The following PIP5K1B variants were observed in gnomAD, a reference collection of about 807,000 sequenced individuals.
The protein encoded by PIP5K1B is phosphatidylinositol 4-phosphate 5-kinase type-1 beta.
Under a neutral mutation model 67.0 loss-of-function variants are expected in PIP5K1B, and 42 were observed. The observed-to-expected ratio is 0.63, with a 90% CI of 0.49 to 0.81. The LOEUF is 0.81. PIP5K1B is among the 30% of genes least tolerant of loss of function. The probability of loss-of-function intolerance (pLI) is 0.00; values close to 1 mark genes in which losing one functional copy is unlikely to be tolerated. For missense variants in PIP5K1B, 459 were observed against 646.3 expected (o/e 0.71, Z 3.14); for synonymous variants, 214 against 231.4 (o/e 0.92, Z 0.68).
At chr9:68,759,197 ATCT>A (rs1257979351) in intron 2 of PIP5K1B, among the ~76,000 whole-genome samples, 4 of 152,162 alleles carry the variant, frequency 2.6e-5, no homozygotes, top group Admixed American at 6.5e-5. Context: ...CACTAGACTA[ATCT>A]TCTCCTCTTT....
At chr9:68,726,259 C>A (rs1323204148) in intron 1 of PIP5K1B, among the ~76,000 whole-genome samples, 2 of 152,072 alleles carry the variant, frequency 1.3e-5, no homozygotes, top group Non-Finnish European at 2.9e-5. Flanking sequence ...TATACACCTT[C>A]TATGTACCAA....
intron 1 of PIP5K1B, among the ~76,000 whole-genome samples, chr9:68,725,561 T>A (rs1828110696): frequency 6.6e-6 from 1 of 152,116 alleles, no homozygotes; most frequent in Non-Finnish European, 1.5e-5. Flanking sequence ...GAGGTCCCCA[T>A]AAAGGAGAAT....
chr9:68,873,997 C>T (rs1823755841), intron 5 of PIP5K1B, among the ~76,000 whole-genome samples: 1 of 152,118 alleles, frequency 6.6e-6, no homozygotes, highest in Non-Finnish European at 1.5e-5. Flanking sequence ...GTACTATGAA[C>T]CTAATTTACA....
intron 4 of PIP5K1B, among the ~76,000 whole-genome samples, chr9:68,854,654 A>C (rs1032629149): frequency 2.0e-5 from 3 of 152,230 alleles, no homozygotes; most frequent in African/African-American, 7.2e-5. Flanking sequence ...ACTCCTAAAC[A>C]TGCCTTTGTC....
At chr9:68,999,278 G>T (rs114374945) in intron 15 of PIP5K1B, among the ~76,000 whole-genome samples, 1 of 152,122 alleles carries the variant, frequency 6.6e-6, no homozygotes, top group South Asian at 2.1e-4. Context: ...TAAGGTTACG[G>T]TCTGAGGCTC....
In PIP5K1B at chr9:68,897,776, A is replaced by G. The variant is rs1300607961; in HGVS notation, c.771+3138A>G. 5.3e-5 allele frequency among the ~76,000 whole-genome samples: 8 copies of G among 152,114 alleles called. No individual in the cohort carries two copies. The South Asian group carries it at 1.0e-3, about 20-fold the overall frequency. ...ACGGATTTGTTAAGCCTCTTAACCT[A>G]TGGCTGACCTCCCCCTGCTTCTTGG... On this transcript the variant is annotated intron_variant, in intron 8 of 15. Transcript: ENST00000265382.
chr9:68,781,734 T>C (rs1831296983), intron 2 of PIP5K1B: 1 of 166,436 alleles, frequency 6.0e-6, no homozygotes, highest in Non-Finnish European at 1.5e-5. Flanking sequence ...ATAGAGAAAA[T>C]AAAATTTTTT....
intron 2 of PIP5K1B, among the ~76,000 whole-genome samples, chr9:68,791,308 G>A (rs1587456776): frequency 6.6e-6 from 1 of 152,212 alleles, no homozygotes; most frequent in African/African-American, 2.4e-5. Context: ...ACAAGTAGCT[G>A]TTGAGTATTG....
chr9:68,714,789 G>A (rs576735955), intron 1 of PIP5K1B, among the ~76,000 whole-genome samples: 1 of 152,302 alleles, frequency 6.6e-6, no homozygotes, highest in East Asian at 1.9e-4. Context: ...TAAAGGAACA[G>A]GATGGAAACT....
intron 2 of PIP5K1B, among the ~76,000 whole-genome samples, chr9:68,761,422 T>A (rs1444702664): frequency 6.6e-6 from 1 of 152,158 alleles, no homozygotes; most frequent in Non-Finnish European, 1.5e-5. Context: ...TTCTCTGAGG[T>A]GAAATTTCCT....
intron 2 of PIP5K1B, among the ~76,000 whole-genome samples, chr9:68,750,296 C>T (rs145176149): frequency 8.5e-5 from 13 of 152,322 alleles, no homozygotes; most frequent in Middle Eastern, 3.4e-3. Flanking sequence ...TTCAGCTCCC[C>T]AGGATTTGTA....
chr9:68,834,943 T>C (rs775821919), intron 4 of PIP5K1B, among the ~76,000 whole-genome samples: 1 of 152,216 alleles, frequency 6.6e-6, no homozygotes, highest in Non-Finnish European at 1.5e-5. Flanking sequence ...GCAGTCTTTT[T>C]CCAACACTGT....
intron 12 of PIP5K1B, among the ~76,000 whole-genome samples, chr9:68,927,958 CT>C (rs1157887999): frequency 2.0e-5 from 3 of 151,970 alleles, no homozygotes; most frequent in Admixed American, 6.6e-5. Context: ...TATCTTCATT[CT>C]TTTGCATGTG....
In PIP5K1B at chr9:68,934,886, C is replaced by G; in HGVS notation, c.1202-4C>G. ...CTGTATTTGTCCTTTTCCTTTCTGT[C>G]TAGCTTTGAAGGCTTCACCGTCTAA... On this transcript the variant is annotated splice_region_variant and splice_polypyrimidine_tract_variant and intron_variant, in intron 12 of 15. Transcript: ENST00000265382. 1.2e-6 allele frequency: 2 copies of G among 1,600,544 alleles called. No individual in the cohort carries two copies. The highest frequency in any genetic ancestry group is 8.5e-7 in the Non-Finnish European group (1 of 1,173,364).
chr9:68,964,186 T>A (rs1456179709), intron 14 of PIP5K1B: 1 of 152,224 alleles, frequency 6.6e-6, no homozygotes, highest in Non-Finnish European at 1.5e-5. Context: ...AAGATTTCCT[T>A]ATTTGTTTTG....
At chr9:68,808,778 TAA>T (rs1031857616) in intron 2 of PIP5K1B, among the ~76,000 whole-genome samples, 1 of 152,248 alleles carries the variant, frequency 6.6e-6, no homozygotes, top group Non-Finnish European at 1.5e-5. Flanking sequence ...TGAGAGAATA[TAA>T]GAGCCCTGCA....
intron 13 of PIP5K1B, among the ~76,000 whole-genome samples, chr9:68,940,155 G>C (rs763411428): frequency 6.6e-6 from 1 of 152,214 alleles, no homozygotes; most frequent in African/African-American, 2.4e-5. Context: ...TGGGGTTAAG[G>C]TAGAGCTGAC....
At chr9:68,774,013 C>A (rs1363994945) in intron 2 of PIP5K1B, among the ~76,000 whole-genome samples, 1 of 152,020 alleles carries the variant, frequency 6.6e-6, no homozygotes, top group African/African-American at 2.4e-5. Flanking sequence ...AATTCTGTTC[C>A]ATTTCATGAA....
chr9:68,738,710 A>G (rs1828860952), intron 1 of PIP5K1B, among the ~76,000 whole-genome samples: 1 of 152,198 alleles, frequency 6.6e-6, no homozygotes, highest in South Asian at 2.1e-4. Context: ...GGACCCTTCC[A>G]CATATTTCTA....
Sources: gnomAD v4.1 joint callset for allele counts (sites outside exome capture counted in the v4.1 genomes callset) on GRCh38, gnomAD v4.1.1 for gene constraint, MANE v1.5 for transcripts, NCBI Gene and HGNC (gene_info 2026-07-23, HGNC 2026-07-21) for gene names.